The following ZBTB48 variants were observed in gnomAD, a reference collection of about 807,000 sequenced individuals.
ZBTB48 encodes the protein zinc finger and BTB domain containing 48.
ZBTB48 carries 35 observed loss-of-function variants against 64.5 expected under a neutral mutation model. The observed-to-expected ratio is 0.54, with a 90% confidence interval of 0.41 to 0.72. The LOEUF (loss-of-function observed/expected upper bound fraction) is 0.72. Among genes scored for constraint, ZBTB48 ranks in the 30% least tolerant of loss-of-function variants. The probability of loss-of-function intolerance (pLI) is 0.00; values close to 1 mark genes in which losing one functional copy is unlikely to be tolerated. For missense variants in ZBTB48, 828 were observed against 895.3 expected, an observed-to-expected ratio of 0.92 and a Z score of 0.96; for synonymous variants, 442 against 356.7, an observed-to-expected ratio of 1.24 and a Z score of -2.70.
Position 6,584,864 on chromosome 1 carries a change from GCT to G in ZBTB48, c.933-1052_933-1051del, listed in dbSNP as rs1303944498. On this transcript the variant is annotated intron_variant, in intron 3 of 10. Coordinates refer to ENST00000377674, the MANE Select transcript of ZBTB48 (RefSeq NM_005341.4). This position sits in a 1 kb window ranked among gnomAD's most constrained non-coding sequence, Gnocchi z 4.5. ...AGGAGCTGTCGCAGGCTGCACAGGGGCTCTGAGGTCGAGTTCGTTTAGTTCAT... is the reference window on the plus strand; with the variant it reads ...AGGAGCTGTCGCAGGCTGCACAGGGGCTGAGGTCGAGTTCGTTTAGTTCAT... Among the ~76,000 whole-genome samples the G allele has an allele frequency of 1.3e-5, 2 of 152,184 alleles. No individual in the cohort carries two copies. Among genetic ancestry groups the G allele is most frequent in the Non-Finnish European group, 2.9e-5 (2 of 68,030 alleles).
At chr1:6,586,658 C>T (rs755678885) in intron 4 of ZBTB48, 37 bp from the exon 5 acceptor site, 24 of 1,510,208 alleles carry the variant, frequency 1.6e-5, no homozygotes, top group South Asian at 6.7e-5. Flanking sequence ...CAGAGGCCCC[C>T]GCTGATGCCG....
Position 6,584,474 on chromosome 1 carries a change from A to C in ZBTB48, c.933-1445A>C, listed in dbSNP as rs1479664124. Among the ~76,000 whole-genome samples, 1 of 152,194 alleles carries C rather than the reference A, an allele frequency of 6.6e-6. No homozygotes were observed. The highest frequency in any genetic ancestry group is 2.1e-4 in the South Asian group (1 of 4,828). ...CCAGCCAAGACATCACTAGTCTATC[A>C]TGGTGTGTTTTCTTGCCATGCCAGG... On this transcript the variant is annotated intron_variant, in intron 3 of 10. Transcript: ENST00000377674. This position sits in a 1 kb window ranked among gnomAD's most constrained non-coding sequence, Gnocchi z 4.5.
At position 6,580,672 on chromosome 1, in the gene ZBTB48, G is replaced by A; in HGVS notation, c.63G>A (p.Glu21=). The stretch of plus-strand genomic sequence containing the variant: ...TGCAGGAGCTCAACAAGCAGCGGGA[G>A]AAGGGCCAGTACTGCGACGCCACTC... The part of the protein sequence containing the change: ...RVLQELNKQR[E]KGQYCDATLD... The change falls in exon 2 of 11, where the codon GAG becomes GAA. Residue 21 remains glutamate, a synonymous_variant. Coordinates refer to ENST00000377674, the MANE Select transcript of ZBTB48 (RefSeq NM_005341.4). This position sits in a 1 kb window ranked among gnomAD's most constrained non-coding sequence, Gnocchi z 5.2. The A allele has an allele frequency of 3.1e-6, 5 of 1,614,138 alleles. No individual in the cohort carries two copies. The highest frequency in any genetic ancestry group is 4.2e-6 in the Non-Finnish European group (5 of 1,180,032).
intron 2 of ZBTB48, 142 bp from the exon 3 acceptor site, chr1:6,581,916 C>A: frequency 7.9e-7 from 1 of 1,273,044 alleles, no homozygotes; most frequent in Non-Finnish European, 1.1e-6. Context: ...TTCAGATGCT[C>A]TGCCTTGGGC....
In ZBTB48 at chr1:6,588,860, G is replaced by A; in HGVS notation, c.1770+16G>A. Reference sequence around the variant, plus strand: ...TACCCGACAGGTAGGCCAGGGCCTGGGCCCCTTCCCCTACCCTAGGATCCC... The same window carrying A: ...TACCCGACAGGTAGGCCAGGGCCTGAGCCCCTTCCCCTACCCTAGGATCCC... On this transcript the variant is annotated intron_variant, in intron 10 of 10. Coordinates refer to ENST00000377674, the MANE Select transcript of ZBTB48 (RefSeq NM_005341.4). The A allele has an allele frequency of 6.2e-7, 1 of 1,614,012 alleles. No homozygotes were observed.
At chr1:6,581,843 G>C (rs557571910) in intron 2 of ZBTB48, among the ~76,000 whole-genome samples, 12 of 152,252 alleles carry the variant, frequency 7.9e-5, no homozygotes, top group African/African-American at 2.9e-4. Context: ...TTTCCCCAGG[G>C]CAGTGTTTCC....
rs200127319 is a variant in ZBTB48, at chr1:6,582,144, T to G, written c.777T>G (p.Asn259Lys). Reference protein sequence around the residue: ...PEAVLTRRKSNVIRKPCAAEP... With the variant: ...PEAVLTRRKSKVIRKPCAAEP... ...CTGTGCTGACCAGGAGGAAGTCAAA[T>G]GTAATCCGAAAGCCCTGTGCAGCTG... is the stretch of plus-strand genomic sequence containing the variant. Residue 259 changes from asparagine to lysine, a missense_variant, in exon 3 of 11, where the codon AAT (asparagine) becomes AAG (lysine). Transcript: ENST00000377674. 3 of 1,614,014 alleles carry G rather than the reference T, an allele frequency of 1.9e-6. No homozygotes were observed. The African/African-American group carries it at 4.0e-5, about 22-fold the overall frequency.
At position 6,586,718 on chromosome 1, in the gene ZBTB48, G is replaced by T; in HGVS notation, c.1068G>T (p.Gln356His). ...AGGTCTTCACGTGCTCTGTGTGCCA[G>T]GAGACATTCCGCCGAAGGATGGAGC... ...SEQVFTCSVC[Q>H]ETFRRRMELR... Residue 356 changes from glutamine (Q) to histidine (H), a missense_variant, in exon 5 of 11, where the codon CAG (glutamine) becomes CAT (histidine). Coordinates refer to ENST00000377674, the MANE Select transcript of ZBTB48 (RefSeq NM_005341.4). 1 of 1,572,670 alleles carries T rather than the reference G, an allele frequency of 6.4e-7. No homozygotes were observed. Among genetic ancestry groups the T allele is most frequent in the Non-Finnish European group, 8.6e-7 (1 of 1,158,040 alleles).
chr1:6,588,230 C>T (rs1210833209), intron 8 of ZBTB48, 34 bp downstream of exon 8: 2 of 1,612,802 alleles, frequency 1.2e-6, no homozygotes, highest in Admixed American at 1.7e-5. Context: ...CTCGCCTCCC[C>T]ATCCTGAGGC....
Position 6,587,525 on chromosome 1 carries a change from G to C in ZBTB48, c.1272G>C (p.Leu424=). The C allele has an allele frequency of 6.2e-7, 1 of 1,614,126 alleles. No individual in the cohort carries two copies. The highest frequency in any genetic ancestry group is 8.5e-7 in the Non-Finnish European group (1 of 1,180,022). Residue 424 remains leucine, a synonymous_variant, in exon 7 of 11, where the codon CTG becomes CTC. Transcript: ENST00000377674. ...KCFLSRTELQ[L]HEAFKHRGEK... is the part of the protein sequence containing the mutation. ...TCCTGTCTCGGACAGAGCTGCAGCT[G>C]CATGAAGCTTTCAAGCACCGTGGTG...
At chr1:6,586,369 C>T in intron 4 of ZBTB48, 2 of 502,274 alleles carry the variant, frequency 4.0e-6, no homozygotes, top group South Asian at 5.4e-5. Flanking sequence ...AACCCCACTG[C>T]TGGCTTCTGT....
rs1367451663 is a variant in ZBTB48 at position 6,586,768 on chromosome 1, CAG to C, written c.1119_1120del (p.Glu375AspfsTer51). On this transcript the variant is annotated frameshift_variant, in exon 5 of 11. Coordinates refer to ENST00000377674, the MANE Select transcript of ZBTB48 (RefSeq NM_005341.4). LOFTEE classifies it high-confidence loss of function. ...CTGCGGGTGCACATGGTGTCTCACACAGGGGAGATGCCCTACAAGGTCAGGCT... is the reference window on the plus strand; with the variant it reads ...CTGCGGGTGCACATGGTGTCTCACACGGGAGATGCCCTACAAGGTCAGGCT... 12 of 1,607,396 alleles carry C rather than the reference CAG, an allele frequency of 7.5e-6. No individual in the cohort carries two copies. The highest frequency in any genetic ancestry group is 2.2e-5 in the East Asian group (1 of 44,770).
In ZBTB48 at chr1:6,588,082, G is replaced by A. The variant is rs756776814; in HGVS notation, c.1402G>A (p.Glu468Lys). Residue 468 changes from glutamate (E) to lysine (K), a missense_variant, in exon 8 of 11, where the codon GAG (glutamate) becomes AAG (lysine). Coordinates refer to ENST00000377674, the MANE Select transcript of ZBTB48 (RefSeq NM_005341.4). ...CAGGAATGAGAGGCCACACGTATGT[G>A]AGTTCTGCAGCCACGCCTTCACCCA... is the stretch of plus-strand genomic sequence containing the variant. ...KHRNERPHVC[E>K]FCSHAFTQKA... The A allele has an allele frequency of 3.6e-5, 58 of 1,614,036 alleles. No homozygotes were observed. The highest frequency in any genetic ancestry group is 1.0e-4 in the Admixed American group (6 of 60,008).
chr1:6,586,094 T>C lies in ZBTB48; in HGVS notation c.1044+64T>C, dbSNP rs1308678095. The C allele has an allele frequency of 9.8e-6, 15 of 1,525,394 alleles. No individual in the cohort carries two copies. The African/African-American group carries it at 2.1e-4, about 21-fold the overall frequency. The allele number at this position is 1,525,394 out of a possible 1,614,324, so 94.5% of individuals were successfully genotyped here. A position where few individuals can be genotyped will look rare whatever the true frequency, so the allele number is the denominator to read the frequency against. Reference sequence around the variant, plus strand: ...CACTGGCCTCTCTGTCTTCGTGCCATCCGGGAAGGGCCCCAGGAGACTGTC... The same window carrying C: ...CACTGGCCTCTCTGTCTTCGTGCCACCCGGGAAGGGCCCCAGGAGACTGTC... On this transcript the variant is annotated intron_variant, in intron 4 of 10. Coordinates refer to ENST00000377674, the MANE Select transcript of ZBTB48 (RefSeq NM_005341.4).
rs1327990112 is a variant in ZBTB48, at chr1:6,588,596, C to T, written c.1681+154C>T. 3 of 1,440,078 alleles carry T rather than the reference C, an allele frequency of 2.1e-6. No individual in the cohort carries two copies. In the East Asian group the frequency reaches 7.5e-5, roughly 36 times the overall value. The allele number at this position is 1,440,078 out of a possible 1,614,324, so 89.2% of individuals were successfully genotyped here. A position where few individuals can be genotyped will look rare whatever the true frequency, so the allele number is the denominator to read the frequency against. The stretch of plus-strand genomic sequence containing the variant: ...GCTTTGAAGGCAGGGGTGTCCTGTG[C>T]AGTAGTGACCCTGGGTGGCACTGGA... On this transcript the variant is annotated intron_variant, in intron 9 of 10. Coordinates refer to ENST00000377674, the MANE Select transcript of ZBTB48 (RefSeq NM_005341.4).
chr1:6,580,415 C>T lies in ZBTB48; in HGVS notation c.-69-126C>T. ...TGGCCAATCCAATATGGCCCCCGGC[C>T]CCCGGGAGGCTGTCAGTGTGTTCCA... On this transcript the variant is annotated intron_variant, in intron 1 of 10. Coordinates refer to ENST00000377674, the MANE Select transcript of ZBTB48 (RefSeq NM_005341.4). The surrounding 1 kb of genome is among the most constrained non-coding windows in gnomAD (Gnocchi z 5.2). The T allele has an allele frequency of 1.6e-6, 1 of 626,104 alleles. No individual in the cohort carries two copies. The highest frequency in any genetic ancestry group is 3.0e-5 in the Admixed American group (1 of 33,820). The allele number at this position is 626,104 out of a possible 1,614,324, so 38.8% of individuals were successfully genotyped here.
At position 6,588,960 on chromosome 1, in the gene ZBTB48, C is replaced by T. The variant is rs922870326; in HGVS notation, c.1815C>T (p.Asn605=). The T allele has an allele frequency of 1.2e-6, 2 of 1,605,726 alleles. No individual in the cohort carries two copies. Among genetic ancestry groups the T allele is most frequent in the East Asian group, 2.2e-5 (1 of 44,764 alleles). Residue 605 remains asparagine, a synonymous_variant, in exon 11 of 11, where the codon AAC becomes AAT. Transcript: ENST00000377674. The part of the protein sequence containing the change: ...RHMEIHDRVE[N]YNPRQRKLRN... ...TGGAGATCCACGACCGGGTAGAGAA[C>T]TACAACCCGCGGCAGCGCAAGCTCC... is the stretch of plus-strand genomic sequence containing the variant.
rs762492691 is a variant in ZBTB48, at chr1:6,587,300, C to T, written c.1224+9C>T. ...CCCCCAAGCCCCATGCAGTAAGTGA[C>T]AGGGAGGGCTGGGCATGCTTTGATG... is the stretch of plus-strand genomic sequence containing the variant. On this transcript the variant is annotated intron_variant, in intron 6 of 10. Coordinates refer to ENST00000377674, the MANE Select transcript of ZBTB48 (RefSeq NM_005341.4). 1 of 1,614,060 alleles carries T rather than the reference C, an allele frequency of 6.2e-7. No homozygotes were observed. The highest frequency in any genetic ancestry group is 1.7e-5 in the Admixed American group (1 of 60,020).
chr1:6,586,644 T>C (rs756909971), intron 4 of ZBTB48, 51 bp from the exon 5 acceptor site: 1 of 1,368,368 alleles, frequency 7.3e-7, no homozygotes, highest in East Asian at 3.1e-5. Context: ...GCTGCTGTCA[T>C]AGGCAGAGGC....
Sources: allele counts gnomAD v4.1 joint callset (sites outside exome capture counted in the v4.1 genomes callset), GRCh38; gene constraint gnomAD v4.1.1; non-coding constraint Gnocchi (gnomAD v3.1); transcripts MANE v1.5; gene names NCBI Gene and HGNC (gene_info 2026-07-23, HGNC 2026-07-21).